Variants in ZNF609 observed in about 807,000 individuals in gnomAD.
The protein encoded by ZNF609 is zinc finger protein 609.
A neutral mutation model predicts 109.5 loss-of-function variants in ZNF609; 11 were observed. The observed-to-expected ratio is 0.10, with a 90% CI of 0.06 to 0.17. ZNF609 has a LOEUF of 0.17. Ranked by LOEUF, ZNF609 falls within the 10% of genes least tolerant of loss-of-function variation. The pLI is 1.00. For synonymous variants in ZNF609, 646 were observed against 662.0 expected, an observed-to-expected ratio of 0.98 and a Z score of 0.37; for missense variants, 1,559 against 1,772.4, an observed-to-expected ratio of 0.88 and a Z score of 2.16.
rs1407773940 is a variant in ZNF609 at position 64,675,194 on chromosome 15, C to G, written c.2340C>G (p.Pro780=). The part of the protein sequence containing the change: ...MEGLLNGSSD[P]HQSRLASIKA... ...GGCTCCTAAATGGCTCATCAGACCC[C>G]CACCAAAGCCGACTGGCTAGCATCA... is the stretch of plus-strand genomic sequence containing the variant. Residue 780 remains proline, a synonymous_variant, in exon 5 of 10, where the codon CCC becomes CCG. Coordinates refer to ENST00000326648, the MANE Select transcript of ZNF609 (RefSeq NM_015042.2). The G allele has an allele frequency of 1.9e-6, 3 of 1,614,006 alleles. No homozygotes were observed. The highest frequency in any genetic ancestry group is 2.5e-6 in the Non-Finnish European group (3 of 1,180,048).
At chr15:64,681,000 C>A in intron 8 of ZNF609, 138 bp downstream of exon 8, 1 of 934,548 alleles carries the variant, frequency 1.1e-6, no homozygotes. Context: ...TTTTGAGCTT[C>A]TAATCTGTGC....
intron 1 of ZNF609, among the ~76,000 whole-genome samples, chr15:64,474,654 C>G (rs1893141373): frequency 6.6e-6 from 1 of 152,062 alleles, no homozygotes; most frequent in Admixed American, 6.6e-5. Context: ...TTACTGGGCA[C>G]TTATATGCCA....
intron 4 of ZNF609, chr15:64,671,209 CAAAAAAAAAAAA>C (rs946787824): frequency 8.5e-5 from 4 of 47,188 alleles, no homozygotes; most frequent in Non-Finnish European, 1.8e-4. Flanking sequence ...GACTCCGTCT[CAAAAAAAAAAAA>C]AAAAAAAAAA....
intron 2 of ZNF609, among the ~76,000 whole-genome samples, chr15:64,575,144 A>T (rs1171545285): frequency 6.6e-6 from 1 of 152,206 alleles, no homozygotes; most frequent in Admixed American, 6.5e-5. Flanking sequence ...AAAGAGTCAA[A>T]ACCAAATCCC....
At chr15:64,597,462 C>T (rs1895416480) in intron 2 of ZNF609, among the ~76,000 whole-genome samples, 1 of 152,120 alleles carries the variant, frequency 6.6e-6, no homozygotes, top group Non-Finnish European at 1.5e-5. Context: ...GACCTGCATC[C>T]TTGGGGTGGG....
intron 1 of ZNF609, among the ~76,000 whole-genome samples, chr15:64,493,942 T>C (rs1349914280): frequency 6.6e-6 from 1 of 152,236 alleles, no homozygotes; most frequent in Non-Finnish European, 1.5e-5. Flanking sequence ...GTGGTTTGGC[T>C]GCTGCAGCCA....
At chr15:64,631,494 T>G (rs1038564910) in intron 3 of ZNF609, 1 of 701,584 alleles carries the variant, frequency 1.4e-6, no homozygotes, top group Non-Finnish European at 2.6e-6. Flanking sequence ...TTCTTATAGA[T>G]TCGCATATAC....
intron 2 of ZNF609, among the ~76,000 whole-genome samples, chr15:64,570,665 TACTA>T (rs985233551): frequency 3.9e-5 from 6 of 152,228 alleles, no homozygotes; most frequent in African/African-American, 1.4e-4. Flanking sequence ...AAACTCGAGA[TACTA>T]ATATTATCAC....
At chr15:64,543,999 ACT>A (rs974862951) in intron 2 of ZNF609, among the ~76,000 whole-genome samples, 2 of 151,834 alleles carry the variant, frequency 1.3e-5, no homozygotes, top group African/African-American at 4.8e-5. Context: ...TCCTTGACTG[ACT>A]CTCATTTATG....
intron 1 of ZNF609, among the ~76,000 whole-genome samples, chr15:64,497,241 T>C (rs1343633747): frequency 6.6e-6 from 1 of 152,226 alleles, no homozygotes; most frequent in African/African-American, 2.4e-5. Flanking sequence ...CTATGTAGAC[T>C]TGGCATTTAC....
chr15:64,537,177 C>T (rs1894164034), intron 2 of ZNF609, among the ~76,000 whole-genome samples: 2 of 144,300 alleles, frequency 1.4e-5, no homozygotes, highest in Non-Finnish European at 1.5e-5. Context: ...GAGTCGAGAT[C>T]GTGCCACTGC....
intron 2 of ZNF609, among the ~76,000 whole-genome samples, chr15:64,574,252 G>A (rs1296579130): frequency 7.5e-6 from 1 of 133,342 alleles, no homozygotes; most frequent in African/African-American, 2.9e-5. Context: ...TTTGTCAGTA[G>A]TTTTTTGTTT....
rs372127978 is a variant in ZNF609 at position 64,480,299 on chromosome 15, T to C, written c.-127-18994T>C. On this transcript the variant is annotated intron_variant, in intron 1 of 9. Transcript: ENST00000326648. ...CTGTAATCCCAGCACTTTGGGAGGC[T>C]GAGGCAGGTGGATCACCTGAGGTCA... 2.6e-5 allele frequency among the ~76,000 whole-genome samples: 4 copies of C among 151,994 alleles called. No homozygotes were observed. The East Asian group carries it at 5.8e-4, about 22-fold the overall frequency.
chr15:64,657,696 G>A (rs943957955), intron 3 of ZNF609, among the ~76,000 whole-genome samples: 3 of 152,154 alleles, frequency 2.0e-5, no homozygotes, highest in Non-Finnish European at 4.4e-5. Flanking sequence ...TGGAGTTAGG[G>A]AGCACAATTC....
At chr15:64,503,813 C>T (rs1022712990) in intron 2 of ZNF609, among the ~76,000 whole-genome samples, 2 of 152,182 alleles carry the variant, frequency 1.3e-5, no homozygotes, top group Non-Finnish European at 1.5e-5. Context: ...ACCACTTCCC[C>T]CATTAGTTTA....
intron 1 of ZNF609, among the ~76,000 whole-genome samples, chr15:64,469,724 A>G (rs917251034): frequency 2.6e-5 from 4 of 152,090 alleles, no homozygotes; most frequent in Non-Finnish European, 5.9e-5. Context: ...AGGAGTGGAA[A>G]TCAGAAAGCT....
Position 64,518,206 on chromosome 15 carries a change from G to A in ZNF609, c.747+18040G>A, listed in dbSNP as rs533664875. 2.6e-5 allele frequency among the ~76,000 whole-genome samples: 4 copies of A among 152,324 alleles called. No individual in the cohort carries two copies. The South Asian group carries it at 8.3e-4, about 32-fold the overall frequency. On this transcript the variant is annotated intron_variant, in intron 2 of 9. Transcript: ENST00000326648. ...GGCCAGAGTATAGTGTAGGATCAAGGAAGATCTCTGCTCAAAAGAGGTGAT... is the reference window on the plus strand; with the variant it reads ...GGCCAGAGTATAGTGTAGGATCAAGAAAGATCTCTGCTCAAAAGAGGTGAT...
At chr15:64,678,082 A>G (rs375937979) in intron 5 of ZNF609, 34 bp from the exon 6 acceptor site, 21 of 1,593,388 alleles carry the variant, frequency 1.3e-5, no homozygotes, top group East Asian at 4.5e-5. Context: ...TCTTATCTGT[A>G]CAACACCCAG....
At position 64,673,836 on chromosome 15, in the gene ZNF609, G is replaced by C. The variant is rs568708735; in HGVS notation, c.1062-80G>C. The C allele has an allele frequency of 3.4e-6, 5 of 1,470,958 alleles. No homozygotes were observed. In the African/African-American group the frequency reaches 7.0e-5, roughly 21 times the overall value. 91.1% of individuals were successfully genotyped at this position (1,470,958 alleles called of 1,614,324 possible). On this transcript the variant is annotated intron_variant, in intron 4 of 9. Coordinates refer to ENST00000326648, the MANE Select transcript of ZNF609 (RefSeq NM_015042.2). Reference sequence around the variant, plus strand: ...GAAAATGATAGTCACCATCTGGACAGTTCTGGAGGCTACAGCTAAACTGCT... The same window carrying C: ...GAAAATGATAGTCACCATCTGGACACTTCTGGAGGCTACAGCTAAACTGCT...
Sources: allele counts gnomAD v4.1 joint callset (sites outside exome capture counted in the v4.1 genomes callset), GRCh38; gene constraint gnomAD v4.1.1; transcripts MANE v1.5; gene names NCBI Gene and HGNC (gene_info 2026-07-23, HGNC 2026-07-21).